The following DLG1 variants were observed in gnomAD, a reference collection of about 807,000 sequenced individuals.
The protein encoded by DLG1 is disks large homolog 1.
A neutral mutation model predicts 123.4 loss-of-function variants in DLG1; 42 were observed. The observed-to-expected ratio is 0.34, with a 90% CI of 0.27 to 0.44. The LOEUF is 0.44. DLG1 is among the 20% of genes least tolerant of loss of function. The pLI is 1.00. For missense variants in DLG1, 942 were observed against 1,082.6 expected (o/e 0.87, Z 1.82); for synonymous variants, 317 against 356.2 (o/e 0.89, Z 1.24).
At chr3:197,246,317 T>TAC (rs1397240822) in intron 4 of DLG1, among the ~76,000 whole-genome samples, 1 of 152,218 alleles carries the variant, frequency 6.6e-6, no homozygotes, top group East Asian at 1.9e-4. Context: ...TTTAAGCACT[T>TAC]ACACTTAGGC....
At chr3:197,181,841 A>G (rs1000743806) in intron 5 of DLG1, among the ~76,000 whole-genome samples, 13 of 152,314 alleles carry the variant, frequency 8.5e-5, no homozygotes, top group Admixed American at 1.3e-4. Flanking sequence ...TAACTCATAT[A>G]CTAGCATACA....
chr3:197,102,280 C>G (rs1763907457), intron 14 of DLG1, among the ~76,000 whole-genome samples: 2 of 152,102 alleles, frequency 1.3e-5, no homozygotes, highest in Non-Finnish European at 2.9e-5. Context: ...ACTAATAAGG[C>G]AAACCATAGA....
At chr3:197,172,753 T>A (rs1804867087) in intron 5 of DLG1, among the ~76,000 whole-genome samples, 1 of 152,218 alleles carries the variant, frequency 6.6e-6, no homozygotes. Context: ...TACAGTTTGA[T>A]AACCTTAGAA....
At chr3:197,202,886 C>T (rs1726533644) in intron 4 of DLG1, among the ~76,000 whole-genome samples, 1 of 152,030 alleles carries the variant, frequency 6.6e-6, no homozygotes, top group Non-Finnish European at 1.5e-5. Context: ...GAATGCTGTC[C>T]GTGTCAGAGA....
intron 6 of DLG1, among the ~76,000 whole-genome samples, chr3:197,144,825 TA>T (rs1218354103): frequency 6.6e-6 from 1 of 152,180 alleles, no homozygotes; most frequent in Non-Finnish European, 1.5e-5. Flanking sequence ...TAAAGGCATT[TA>T]TATAGAGAGA....
chr3:197,283,989 T>G (rs1196601069), intron 3 of DLG1, among the ~76,000 whole-genome samples: 1 of 151,072 alleles, frequency 6.6e-6, no homozygotes, highest in Non-Finnish European at 1.5e-5. Flanking sequence ...AGCCTCCGAG[T>G]AGCTGGGACT....
intron 5 of DLG1, among the ~76,000 whole-genome samples, chr3:197,158,519 A>C (rs929997308): frequency 1.1e-4 from 16 of 150,872 alleles, no homozygotes; most frequent in Non-Finnish European, 1.8e-4. Context: ...CTGTAATCCC[A>C]GCTACTCGGG....
intron 4 of DLG1, among the ~76,000 whole-genome samples, chr3:197,211,226 G>A (rs1343211060): frequency 6.9e-6 from 1 of 145,934 alleles, no homozygotes; most frequent in African/African-American, 2.4e-5. Context: ...AGAAGAGCTG[G>A]TACCATTTCT....
At chr3:197,275,348 T>C (rs190532871) in intron 4 of DLG1, among the ~76,000 whole-genome samples, 1 of 152,088 alleles carries the variant, frequency 6.6e-6, no homozygotes, top group Non-Finnish European at 1.5e-5. Context: ...GAAAACAGCA[T>C]GGTCATTTCT....
At chr3:197,192,697 TACATAA>T (rs1720275554) in intron 5 of DLG1, among the ~76,000 whole-genome samples, 1 of 152,256 alleles carries the variant, frequency 6.6e-6, no homozygotes, top group African/African-American at 2.4e-5. Context: ...TGAATGTACA[TACATAA>T]ACATGTCTTT....
intron 4 of DLG1, among the ~76,000 whole-genome samples, chr3:197,236,218 C>A (rs528197993): frequency 6.6e-6 from 1 of 151,976 alleles, no homozygotes; most frequent in Non-Finnish European, 1.5e-5. Context: ...GAGGCTGAAG[C>A]AGGAGGATCA....
At chr3:197,261,026 C>A (rs1039618466) in intron 4 of DLG1, among the ~76,000 whole-genome samples, 1 of 151,956 alleles carries the variant, frequency 6.6e-6, no homozygotes, top group East Asian at 1.9e-4. Context: ...AACTTTACTG[C>A]CTTACTAAAT....
chr3:197,077,147 A>G (rs902482441), intron 17 of DLG1, among the ~76,000 whole-genome samples: 1 of 151,998 alleles, frequency 6.6e-6, no homozygotes, highest in East Asian at 1.9e-4. Flanking sequence ...TGTGGCTACG[A>G]TGAGCTAACA....
intron 16 of DLG1, among the ~76,000 whole-genome samples, chr3:197,082,728 G>A (rs1459823569): frequency 3.9e-5 from 6 of 152,052 alleles, no homozygotes; most frequent in Non-Finnish European, 8.8e-5. Context: ...AATTAGTTGT[G>A]GTTTCTTACT....
At chr3:197,298,477 G>C in intron 1 of DLG1, 59 bp downstream of exon 1, 1 of 398,776 alleles carries the variant, frequency 2.5e-6, no homozygotes, top group Non-Finnish European at 4.4e-6. Context: ...GGCCGGGAAG[G>C]CTCGGGCTGT....
intron 23 of DLG1, among the ~76,000 whole-genome samples, chr3:197,057,051 G>A (rs1004067471): frequency 3.3e-5 from 5 of 151,616 alleles, no homozygotes; most frequent in African/African-American, 1.2e-4. Flanking sequence ...ATAGTATTTG[G>A]GTAGTTTCTA....
At chr3:197,249,682 C>T (rs1301250758) in intron 4 of DLG1, among the ~76,000 whole-genome samples, 1 of 152,142 alleles carries the variant, frequency 6.6e-6, no homozygotes, top group African/African-American at 2.4e-5. Context: ...TATTAGCAAA[C>T]CAGATTCAAC....
At chr3:197,153,289 C>T (rs1794843296) in intron 5 of DLG1, among the ~76,000 whole-genome samples, 1 of 152,184 alleles carries the variant, frequency 6.6e-6, no homozygotes, top group South Asian at 2.1e-4. Flanking sequence ...TCTGTTTCTC[C>T]ACCTTGAACA....
intron 13 of DLG1, among the ~76,000 whole-genome samples, chr3:197,109,775 C>A (rs1768764893): frequency 6.6e-6 from 1 of 152,106 alleles, no homozygotes; most frequent in Non-Finnish European, 1.5e-5. Context: ...ATATAGAGTT[C>A]TAGTCAACAA....
Sources: allele counts gnomAD v4.1 joint callset (sites outside exome capture counted in the v4.1 genomes callset), GRCh38; gene constraint gnomAD v4.1.1; transcripts MANE v1.5; gene names NCBI Gene and HGNC (gene_info 2026-07-23, HGNC 2026-07-21).